The following NALF1 variants were observed in gnomAD, a reference collection of about 807,000 sequenced individuals.
The protein encoded by NALF1 is family with sequence similarity 155 member A.
In NALF1, 3 loss-of-function variants were observed where a neutral mutation model predicts 48.4. The observed-to-expected ratio is 0.06, with a 90% CI of 0.03 to 0.16. The LOEUF (loss-of-function observed/expected upper bound fraction) is 0.16, where lower values mean the gene tolerates loss of function less well. NALF1 is among the 10% of genes least tolerant of loss of function. NALF1 has a pLI of 1.00. For synonymous variants in NALF1, 262 were observed against 245.7 expected (o/e 1.07, Z -0.62); for missense variants, 526 against 571.5 (o/e 0.92, Z 0.81).
intron 1 of NALF1, among the ~76,000 whole-genome samples, chr13:107,592,921 T>C (rs1878637352): frequency 6.6e-6 from 1 of 151,886 alleles, no homozygotes; most frequent in African/African-American, 2.4e-5. Context: ...TTCAAAAGTT[T>C]TCAATGTTTT....
chr13:107,770,065 A>G (rs550354932), intron 1 of NALF1, among the ~76,000 whole-genome samples: 1 of 152,210 alleles, frequency 6.6e-6, no homozygotes, highest in South Asian at 2.1e-4. Flanking sequence ...GGCACCCGCC[A>G]CCACGCCCGG....
intron 1 of NALF1, among the ~76,000 whole-genome samples, chr13:107,570,798 A>G (rs1877965903): frequency 6.6e-6 from 1 of 151,994 alleles, no homozygotes; most frequent in South Asian, 2.1e-4. Context: ...CAGTAAAATC[A>G]GAATTTATAT....
At chr13:107,610,098 G>T (rs1333742921) in intron 1 of NALF1, among the ~76,000 whole-genome samples, 1 of 152,154 alleles carries the variant, frequency 6.6e-6, no homozygotes, top group Non-Finnish European at 1.5e-5. Context: ...AACGTAAATG[G>T]TCTAAAAAAT....
intron 1 of NALF1, among the ~76,000 whole-genome samples, chr13:107,284,524 T>G (rs1881452945): frequency 6.6e-6 from 1 of 151,970 alleles, no homozygotes; most frequent in African/African-American, 2.4e-5. Flanking sequence ...AAAATATCAG[T>G]AAGAGATGGA....
chr13:107,734,347 G>C lies in NALF1; in HGVS notation c.915+131335C>G, dbSNP rs1275477246. 2.6e-5 allele frequency among the ~76,000 whole-genome samples: 4 copies of C among 151,726 alleles called. No homozygotes were observed. In the South Asian group the frequency reaches 8.3e-4, roughly 32 times the overall value. ...AACTTTGGGAAAGGTCATCACTAGG[G>C]ATCATCTGCAATGTTGCACTGAGGC... On this transcript the variant is annotated intron_variant, in intron 1 of 2. Coordinates refer to ENST00000375915, the MANE Select transcript of NALF1 (RefSeq NM_001080396.3).
intron 1 of NALF1, among the ~76,000 whole-genome samples, chr13:107,236,236 T>G (rs968996247): frequency 1.2e-4 from 18 of 152,104 alleles, no homozygotes; most frequent in African/African-American, 4.3e-4. Context: ...ACATGCTGTC[T>G]GCAAAAAGGA....
chr13:107,487,013 A>C (rs1371184081), intron 1 of NALF1, among the ~76,000 whole-genome samples: 2 of 152,110 alleles, frequency 1.3e-5, no homozygotes, highest in African/African-American at 4.8e-5. Flanking sequence ...ATTATACATA[A>C]AGTAGAACAT....
At chr13:107,281,322 A>G (rs1370691105) in intron 1 of NALF1, among the ~76,000 whole-genome samples, 1 of 152,222 alleles carries the variant, frequency 6.6e-6, no homozygotes, top group Non-Finnish European at 1.5e-5. Flanking sequence ...TGAAATAATG[A>G]GGTATTTTGC....
At chr13:107,346,591 G>A (rs1190003415) in intron 1 of NALF1, among the ~76,000 whole-genome samples, 1 of 152,194 alleles carries the variant, frequency 6.6e-6, no homozygotes, top group African/African-American at 2.4e-5. Context: ...AGAAAGTAGA[G>A]TGATGATTGC....
At chr13:107,294,356 G>C (rs1346875735) in intron 1 of NALF1, among the ~76,000 whole-genome samples, 1 of 152,084 alleles carries the variant, frequency 6.6e-6, no homozygotes, top group Non-Finnish European at 1.5e-5. Context: ...ATGAATCTTA[G>C]GTTAGATAAC....
intron 1 of NALF1, among the ~76,000 whole-genome samples, chr13:107,741,455 C>A (rs922724539): frequency 6.6e-6 from 1 of 152,134 alleles, no homozygotes; most frequent in Admixed American, 6.6e-5. Flanking sequence ...CTACTGAGTA[C>A]TTACCTTAAC....
intron 1 of NALF1, among the ~76,000 whole-genome samples, chr13:107,573,365 A>T (rs1878045752): frequency 6.6e-6 from 1 of 151,956 alleles, no homozygotes; most frequent in African/African-American, 2.4e-5. Flanking sequence ...AGAGCAGTAA[A>T]AACTGCTGAC....
intron 1 of NALF1, among the ~76,000 whole-genome samples, chr13:107,456,193 T>G (rs963242986): frequency 6.6e-6 from 1 of 152,168 alleles, no homozygotes; most frequent in East Asian, 1.9e-4. Flanking sequence ...ATTTGACAAG[T>G]TCAGGCTTTC....
intron 1 of NALF1, among the ~76,000 whole-genome samples, chr13:107,486,514 C>G (rs1444007473): frequency 6.6e-6 from 1 of 152,078 alleles, no homozygotes; most frequent in Non-Finnish European, 1.5e-5. Flanking sequence ...GGCTACAGAG[C>G]AGGTCTGGAT....
At chr13:107,591,925 C>A (rs529491941) in intron 1 of NALF1, among the ~76,000 whole-genome samples, 1 of 151,964 alleles carries the variant, frequency 6.6e-6, no homozygotes, top group Non-Finnish European at 1.5e-5. Flanking sequence ...AAATAATTGA[C>A]AGTGTTTGAC....
At chr13:107,718,753 G>A (rs936809956) in intron 1 of NALF1, among the ~76,000 whole-genome samples, 4 of 152,122 alleles carry the variant, frequency 2.6e-5, no homozygotes, top group African/African-American at 7.2e-5. Flanking sequence ...CAGGCCCTGC[G>A]CTTTCTAATA....
chr13:107,816,324 G>A (rs1004016081), intron 1 of NALF1, among the ~76,000 whole-genome samples: 1 of 152,176 alleles, frequency 6.6e-6, no homozygotes, highest in Non-Finnish European at 1.5e-5. Flanking sequence ...ACGAGGCTGC[G>A]AAGAAAAATA....
intron 1 of NALF1, among the ~76,000 whole-genome samples, chr13:107,368,002 C>G (rs1331362063): frequency 1.3e-5 from 2 of 152,204 alleles, no homozygotes; most frequent in Non-Finnish European, 2.9e-5. Flanking sequence ...GGAATACTTT[C>G]ATGTGAATAA....
chr13:107,744,571 T>A (rs540401874), intron 1 of NALF1, among the ~76,000 whole-genome samples: 1 of 152,324 alleles, frequency 6.6e-6, no homozygotes, highest in African/African-American at 2.4e-5. Context: ...GTCCAGCACC[T>A]GAATCTATAG....
Sources: allele counts gnomAD v4.1 joint callset (sites outside exome capture counted in the v4.1 genomes callset), GRCh38; gene constraint gnomAD v4.1.1; transcripts MANE v1.5; gene names NCBI Gene and HGNC (gene_info 2026-07-23, HGNC 2026-07-21).